Variants in KLF17 observed in about 807,000 individuals in gnomAD.
KLF17 encodes KLF transcription factor 17.
KLF17 carries 31 observed loss-of-function variants against 34.2 expected under a neutral mutation model. The observed-to-expected ratio is 0.91, with a 90% CI of 0.68 to 1.22. The LOEUF (loss-of-function observed/expected upper bound fraction) is 1.22. Among genes scored for constraint, KLF17 ranks in the 50% most tolerant of loss-of-function variants. The pLI is 0.00. For synonymous variants in KLF17, 179 were observed against 186.7 expected (o/e 0.96, Z 0.34); for missense variants, 478 against 505.2 (o/e 0.95, Z 0.52).
the KLF17 span, among the ~76,000 whole-genome samples, chr1:44,100,380 C>A: frequency 6.6e-6 from 1 of 151,812 alleles, no homozygotes; most frequent in Non-Finnish European, 1.5e-5. Context: ...AGGAGAGAAG[C>A]TTTGCTGAGT....
rs760494592 is a variant in KLF17, at chr1:44,129,514, T to C, written c.243T>C (p.Asn81=). 9.3e-6 allele frequency: 15 copies of C among 1,612,924 alleles called. No homozygotes were observed. Among genetic ancestry groups the C allele is most frequent in the Non-Finnish European group, 1.2e-5 (14 of 1,179,430 alleles). ...PLVSVEAPGQ[N]VNEGGPQFSM... ...TGTCTGTTGAGGCGCCGGGGCAGAA[T>C]GTGAATGAAGGGGGGCCACAGTTCA... The change falls in exon 2 of 4, where the codon AAT becomes AAC. Residue 81 remains asparagine, a synonymous_variant. Transcript: ENST00000372299.
the KLF17 span, among the ~76,000 whole-genome samples, chr1:44,095,000 A>G: frequency 6.7e-6 from 1 of 149,844 alleles, no homozygotes; most frequent in East Asian, 2.0e-4. Context: ...TCCCAGGTTC[A>G]CGCCATTCTC....
the KLF17 span, among the ~76,000 whole-genome samples, chr1:44,087,746 A>G: frequency 1.7e-5 from 1 of 59,504 alleles, no homozygotes; most frequent in South Asian, 4.8e-4. Context: ...ATATATATAT[A>G]TATATATATA....
At chr1:44,087,245 T>C in the KLF17 span, among the ~76,000 whole-genome samples, 3 of 152,062 alleles carry the variant, frequency 2.0e-5, no homozygotes, top group South Asian at 6.2e-4. Context: ...ATTTATTTTG[T>C]CATCTTTTTT....
chr1:44,123,607 G>A (rs2087974840), intron 1 of KLF17, among the ~76,000 whole-genome samples: 1 of 152,046 alleles, frequency 6.6e-6, no homozygotes, highest in African/African-American at 2.4e-5. Context: ...TCTTCTGCTG[G>A]TTTGGGGTTT....
chr1:44,074,799 T>G, the KLF17 span: 2 of 152,214 alleles, frequency 1.3e-5, no homozygotes, highest in African/African-American at 4.8e-5. Flanking sequence ...ACAATCTGAC[T>G]TCTCAGAAGG....
chr1:44,075,052 G>C, the KLF17 span: 1 of 152,156 alleles, frequency 6.6e-6, no homozygotes, highest in African/African-American at 2.4e-5. Context: ...AGTGCTTTGA[G>C]AGGCTGAGGC....
the KLF17 span, among the ~76,000 whole-genome samples, chr1:44,060,968 G>T: frequency 2.6e-5 from 4 of 152,208 alleles, no homozygotes; most frequent in South Asian, 2.1e-4. Flanking sequence ...ACTATAATCA[G>T]GGCATTAATC....
the KLF17 span, among the ~76,000 whole-genome samples, chr1:44,109,702 C>A: frequency 6.6e-6 from 1 of 152,234 alleles, no homozygotes; most frequent in African/African-American, 2.4e-5. Context: ...GTATCAATCA[C>A]CCTTCTTCCA....
the KLF17 span, among the ~76,000 whole-genome samples, chr1:44,072,337 G>T: frequency 6.6e-6 from 1 of 151,948 alleles, no homozygotes; most frequent in African/African-American, 2.4e-5. Context: ...TGGATTCAGG[G>T]GACTAATCTG....
chr1:44,078,001 C>T, the KLF17 span, among the ~76,000 whole-genome samples: 2 of 152,138 alleles, frequency 1.3e-5, no homozygotes, highest in South Asian at 4.1e-4. Flanking sequence ...GGATACTAGT[C>T]CCTTATTGAT....
intron 1 of KLF17, among the ~76,000 whole-genome samples, chr1:44,127,679 T>TTTCTTTCTTTC (rs1557731958): frequency 7.5e-4 from 30 of 40,120 alleles, no homozygotes; most frequent in African/African-American, 1.9e-3. Context: ...TCTTTCTTTC[T>TTTCTTTCTTTC]TTCTTTCTTT....
intron 2 of KLF17, 127 bp downstream of exon 2, chr1:44,130,323 GC>G: frequency 2.1e-6 from 3 of 1,420,806 alleles, no homozygotes; most frequent in Non-Finnish European, 1.9e-6. Flanking sequence ...AGCTAGACTG[GC>G]CCCCCGACTT....
intron 1 of KLF17, among the ~76,000 whole-genome samples, chr1:44,126,847 A>AT (rs1255684828): frequency 2.0e-5 from 3 of 151,880 alleles, no homozygotes; most frequent in South Asian, 2.1e-4. Context: ...AAAAATATAT[A>AT]TTTTTTACCT....
the KLF17 span, among the ~76,000 whole-genome samples, chr1:44,074,507 G>A: frequency 1.3e-5 from 2 of 152,142 alleles, no homozygotes; most frequent in Non-Finnish European, 2.9e-5. Flanking sequence ...CCCACCCAGG[G>A]GAAGACAGAC....
At chr1:44,093,184 T>C in the KLF17 span, among the ~76,000 whole-genome samples, 1 of 152,086 alleles carries the variant, frequency 6.6e-6, no homozygotes, top group Non-Finnish European at 1.5e-5. Context: ...AAGAAAGACT[T>C]CTCCTCTACC....
At chr1:44,101,538 C>T in the KLF17 span, 20 of 152,202 alleles carry the variant, frequency 1.3e-4, 1 homozygote, top group South Asian at 2.7e-3. Context: ...ATGATTAATT[C>T]GAGTTATGCA....
chr1:44,102,495 G>A, the KLF17 span, among the ~76,000 whole-genome samples: 2 of 151,372 alleles, frequency 1.3e-5, no homozygotes, highest in African/African-American at 4.9e-5. Flanking sequence ...GGAGGTTGCA[G>A]TGAGCTGAGA....
At chr1:44,091,635 C>CAAAAA in the KLF17 span, among the ~76,000 whole-genome samples, 14 of 78,994 alleles carry the variant, frequency 1.8e-4, no homozygotes, top group African/African-American at 3.4e-4. Flanking sequence ...GACTCCATCT[C>CAAAAA]AAAAAAAAAA....
Sources: gnomAD v4.1 joint callset for allele counts (sites outside exome capture counted in the v4.1 genomes callset) on GRCh38, gnomAD v4.1.1 for gene constraint, MANE v1.5 for transcripts, NCBI Gene and HGNC (gene_info 2026-07-23, HGNC 2026-07-21) for gene names.